GRIA3: variants seen among roughly 807,000 people sequenced by gnomAD.
GRIA3 encodes the protein glutamate receptor 3.
Under a neutral mutation model 63.0 loss-of-function variants are expected in GRIA3, and 3 were observed. That is an observed-to-expected ratio of 0.05 (90% confidence interval 0.02 to 0.12). The LOEUF (loss-of-function observed/expected upper bound fraction) is 0.12. GRIA3 is among the 10% of genes least tolerant of loss of function. The probability of loss-of-function intolerance (pLI) is 1.00; values close to 1 mark genes in which losing one functional copy is unlikely to be tolerated. For synonymous variants in GRIA3, 274 were observed against 257.9 expected (o/e 1.06, Z -0.60); for missense variants, 347 against 700.9 (o/e 0.50, Z 5.70).
chrX:123,313,972 G>A (rs947660137), intron 3 of GRIA3, among the ~76,000 whole-genome samples: 10 of 110,181 alleles, frequency 9.1e-5, no homozygotes, highest in African/African-American at 3.0e-4. Context: ...ATGTACTGTG[G>A]CTGACTGGTA....
At chrX:123,393,341 T>A (rs1205573781) in intron 5 of GRIA3, among the ~76,000 whole-genome samples, 3 of 112,546 alleles carry the variant, frequency 2.7e-5, no homozygotes, top group Non-Finnish European at 5.6e-5. Flanking sequence ...AGTTTGTGAA[T>A]AAATTCACCA....
chrX:123,324,203 G>A (rs1286086332), intron 3 of GRIA3, among the ~76,000 whole-genome samples: 1 of 112,283 alleles, frequency 8.9e-6, no homozygotes, highest in Non-Finnish European at 1.9e-5. Context: ...TAAGACCAAT[G>A]AGTAGAGATT....
At chrX:123,325,308 G>T (rs1330920087) in intron 3 of GRIA3, among the ~76,000 whole-genome samples, 1 of 111,588 alleles carries the variant, frequency 9.0e-6, no homozygotes, top group Non-Finnish European at 1.9e-5. Flanking sequence ...TCAAGCATCA[G>T]ATCTTTTCTC....
At chrX:123,467,227 T>C (rs2045839391) in intron 13 of GRIA3, among the ~76,000 whole-genome samples, 1 of 112,277 alleles carries the variant, frequency 8.9e-6, no homozygotes, top group East Asian at 2.8e-4. Flanking sequence ...TTCGGCTCTT[T>C]CTCCTCTATC....
chrX:123,365,084 A>G (rs144582484), intron 5 of GRIA3, among the ~76,000 whole-genome samples: 2,321 of 111,603 alleles, frequency 0.021, 62 homozygotes, highest in African/African-American at 0.069. Context: ...CATATATTTC[A>G]AACTAAGAGG....
At chrX:123,244,385 C>G (rs1342694802) in intron 2 of GRIA3, among the ~76,000 whole-genome samples, 1 of 111,695 alleles carries the variant, frequency 9.0e-6, no homozygotes, top group East Asian at 2.8e-4. Flanking sequence ...TATCCATCCT[C>G]TATCTAATTT....
chrX:123,341,937 C>T (rs890849326), intron 4 of GRIA3, among the ~76,000 whole-genome samples: 2 of 111,129 alleles, frequency 1.8e-5, no homozygotes, highest in Non-Finnish European at 3.8e-5. Context: ...CCTGAAGTAG[C>T]TTCTTCATCC....
chrX:123,467,458 C>T (rs1020121821), intron 13 of GRIA3, among the ~76,000 whole-genome samples: 25 of 112,588 alleles, frequency 2.2e-4, no homozygotes, highest in African/African-American at 8.1e-4. Context: ...ACTGATGACA[C>T]TGACAATTTA....
intron 7 of GRIA3, 33 bp from the exon 8 acceptor site, chrX:123,402,961 A>C: frequency 1.3e-6 from 1 of 777,044 alleles, no homozygotes; most frequent in Non-Finnish European, 2.0e-6. Context: ...ATGCCGTGCT[A>C]TTTTTAAATT....
At chrX:123,365,550 G>A (rs1435877790) in intron 5 of GRIA3, among the ~76,000 whole-genome samples, 1 of 111,445 alleles carries the variant, frequency 9.0e-6, no homozygotes, top group East Asian at 2.8e-4. Flanking sequence ...CTTTGAGAAA[G>A]GAGTCTTATA....
At chrX:123,325,441 C>G (rs2044896163) in intron 3 of GRIA3, among the ~76,000 whole-genome samples, 1 of 111,867 alleles carries the variant, frequency 8.9e-6, no homozygotes, top group South Asian at 3.8e-4. Flanking sequence ...CTCAGGAAAG[C>G]TTAATATGAC....
chrX:123,205,130 A>G (rs945615751), intron 2 of GRIA3, among the ~76,000 whole-genome samples: 2 of 111,725 alleles, frequency 1.8e-5, no homozygotes, highest in African/African-American at 6.5e-5. Flanking sequence ...TAGCATTACT[A>G]TATCCACTTT....
At chrX:123,259,476 C>T (rs968083430) in intron 3 of GRIA3, among the ~76,000 whole-genome samples, 1 of 84,669 alleles carries the variant, frequency 1.2e-5, no homozygotes, top group Non-Finnish European at 2.3e-5. Context: ...ACTCCTTACG[C>T]CCTTTTCTTT....
At chrX:123,295,358 C>T (rs60758824) in intron 3 of GRIA3, among the ~76,000 whole-genome samples, 2,378 of 111,513 alleles carry the variant, frequency 0.021, 58 homozygotes, top group African/African-American at 0.073. Context: ...CTGCATGACA[C>T]AGTAGATCTT....
At position 123,463,825 on chromosome X, in the gene GRIA3, GAGAAAGAA is replaced by G. The variant is rs771257914; in HGVS notation, c.2077-1028_2077-1021del. 6.0e-4 allele frequency among the ~76,000 whole-genome samples: 66 copies of G among 109,222 alleles called. 1 individual carries two copies. In the East Asian group the frequency reaches 0.017, roughly 28 times the overall value. The allele number at this position is 109,222 out of a possible 115,157, so 94.8% of individuals were successfully genotyped here. A position where few individuals can be genotyped will look rare whatever the true frequency, so the allele number is the denominator to read the frequency against. On this transcript the variant is annotated intron_variant, in intron 12 of 15. Transcript: ENST00000620443. ...AGAAAGAGAGAGAAAGAAAAAGAAA[GAGAAAGAA>G]AGAAAGAAAGAGAGAAACCAAACAG...
chrX:123,260,385 C>T (rs1409983263), intron 3 of GRIA3, among the ~76,000 whole-genome samples: 1 of 73,078 alleles, frequency 1.4e-5, no homozygotes, highest in African/African-American at 5.3e-5. Context: ...CAGGGTATCT[C>T]AATTATGAAA....
At position 123,335,145 on chromosome X, in the gene GRIA3, A is replaced by G. The variant is rs190640009; in HGVS notation, c.696+8932A>G. On this transcript the variant is annotated intron_variant, in intron 4 of 15. Coordinates refer to ENST00000620443, the MANE Select transcript of GRIA3 (RefSeq NM_007325.5). Reference sequence around the variant, plus strand: ...ATCATTGATTTCTTAGCTGACTGACACTCTTACACACCTCAACATCAGTGA... The same window carrying G: ...ATCATTGATTTCTTAGCTGACTGACGCTCTTACACACCTCAACATCAGTGA... Among the ~76,000 whole-genome samples, 232 of 110,477 alleles carry G rather than the reference A, an allele frequency of 2.1e-3. 1 individual carries two copies. Among genetic ancestry groups the G allele is most frequent in the African/African-American group, 7.2e-3 (220 of 30,489 alleles).
At chrX:123,408,489 C>T (rs1336846020) in intron 10 of GRIA3, among the ~76,000 whole-genome samples, 3 of 112,192 alleles carry the variant, frequency 2.7e-5, no homozygotes, top group Non-Finnish European at 5.6e-5. Flanking sequence ...TTGTTTTCTC[C>T]TCCAGCATGT....
intron 2 of GRIA3, among the ~76,000 whole-genome samples, chrX:123,221,600 G>A (rs769128284): frequency 2.0e-4 from 22 of 111,886 alleles, no homozygotes; most frequent in Non-Finnish European, 2.6e-4. Flanking sequence ...GGCTACAGCC[G>A]AAGCTGAACT....
Sources: allele counts gnomAD v4.1 joint callset (sites outside exome capture counted in the v4.1 genomes callset), GRCh38; gene constraint gnomAD v4.1.1; transcripts MANE v1.5; gene names NCBI Gene and HGNC (gene_info 2026-07-23, HGNC 2026-07-21).